NCOR2: variants seen among roughly 807,000 people sequenced by gnomAD.
The protein encoded by NCOR2 is nuclear receptor corepressor 2.
A neutral mutation model predicts 262.9 loss-of-function variants in NCOR2; 81 were observed. The observed-to-expected ratio is 0.31, with a 90% CI of 0.26 to 0.37. NCOR2 has a LOEUF of 0.37. Among genes scored for constraint, NCOR2 ranks in the 10% least tolerant of loss-of-function variants. The pLI is 1.00. For missense variants in NCOR2, 3,385 were observed against 3,621.4 expected, an observed-to-expected ratio of 0.93 and a Z score of 1.68; for synonymous variants, 1,659 against 1,559.3, an observed-to-expected ratio of 1.06 and a Z score of -1.51.
intron 16 of NCOR2, chr12:124,388,882 G>A (rs2041042620): frequency 1.7e-6 from 1 of 572,002 alleles, no homozygotes; most frequent in Non-Finnish European, 2.6e-6. Flanking sequence ...GGGAGGGAGG[G>A]AGGGAGGGAG....
intron 1 of NCOR2, among the ~76,000 whole-genome samples, chr12:124,512,643 G>C (rs984377674): frequency 2.0e-5 from 3 of 152,124 alleles, no homozygotes; most frequent in African/African-American, 7.2e-5. Flanking sequence ...TTTCCTGAAA[G>C]CTCACTCCCT....
rs1437210711 is a variant in NCOR2, at chr12:124,501,082, A to G, written c.-117-5714T>C. ...CGCGCGCACACACACACACACACAC[A>G]CACACACACACACACACACACACAC... On this transcript the variant is annotated intron_variant, in intron 1 of 46. Transcript: ENST00000404621. 6.2e-3 allele frequency among the ~76,000 whole-genome samples: 934 copies of G among 151,134 alleles called. 21 individuals carry two copies. The highest frequency in any genetic ancestry group is 0.042 in the Admixed American group (646 of 15,222).
At chr12:124,499,468 A>G (rs1270591141), upstream of NCOR2, among the ~76,000 whole-genome samples, 1 of 151,496 alleles carries the variant, frequency 6.6e-6, no homozygotes, top group Non-Finnish European at 1.5e-5. Context: ...GAGCCAGGAG[A>G]TACGAGGAAG....
chr12:124,373,708 T>C (rs1400778775), intron 19 of NCOR2, among the ~76,000 whole-genome samples: 6 of 46,572 alleles, frequency 1.3e-4, no homozygotes, highest in Admixed American at 2.7e-4. Context: ...CAGTGGACAA[T>C]CATGAGGCCA....
At chr12:124,366,236 G>A (rs1322694689) in intron 20 of NCOR2, among the ~76,000 whole-genome samples, 3 of 152,088 alleles carry the variant, frequency 2.0e-5, no homozygotes, top group Non-Finnish European at 2.9e-5. Context: ...TGCCCTGTCC[G>A]CACGATGGAA....
intron 10 of NCOR2, among the ~76,000 whole-genome samples, chr12:124,428,902 T>C (rs1400047206): frequency 6.6e-6 from 1 of 152,146 alleles, no homozygotes; most frequent in Non-Finnish European, 1.5e-5. Context: ...CAGGGGGTAG[T>C]CTCATCATGG....
intron 18 of NCOR2, among the ~76,000 whole-genome samples, chr12:124,374,970 T>G (rs1249945210): frequency 6.6e-6 from 1 of 152,228 alleles, no homozygotes; most frequent in Admixed American, 6.5e-5. Context: ...GAGGCCACCC[T>G]TTTTAGAAAC....
At chr12:124,391,875 C>T (rs2041331879) in intron 16 of NCOR2, among the ~76,000 whole-genome samples, 1 of 152,238 alleles carries the variant, frequency 6.6e-6, no homozygotes, top group Admixed American at 6.5e-5. Context: ...CACGTTACAC[C>T]TTTCAATGTC....
At chr12:124,413,610 A>C (rs2042707351) in intron 13 of NCOR2, among the ~76,000 whole-genome samples, 1 of 152,122 alleles carries the variant, frequency 6.6e-6, no homozygotes, top group South Asian at 2.1e-4. Flanking sequence ...GCACCGCGCC[A>C]GGACCACAAG....
chr12:124,502,407 C>T (rs965941778), intron 1 of NCOR2, among the ~76,000 whole-genome samples: 1 of 152,128 alleles, frequency 6.6e-6, no homozygotes, highest in African/African-American at 2.4e-5. Flanking sequence ...GGTGTTAGCA[C>T]GATGGAGAAA....
At chr12:124,363,858 G>T in intron 20 of NCOR2, 59 bp from the exon 23 acceptor site, 1 of 1,293,656 alleles carries the variant, frequency 7.7e-7, no homozygotes. Context: ...CCAGGGTGGG[G>T]GGGCTGCCCG....
intron 23 of NCOR2, among the ~76,000 whole-genome samples, chr12:124,356,251 G>A (rs1400913584): frequency 6.6e-6 from 1 of 152,258 alleles, no homozygotes; most frequent in Non-Finnish European, 1.5e-5. Context: ...GTGAGGCCCA[G>A]CAGGACTGCA....
chr12:124,449,714 T>A, intron 7 of NCOR2, 101 bp downstream of exon 9: 2 of 1,404,438 alleles, frequency 1.4e-6, no homozygotes, highest in South Asian at 1.2e-5. Flanking sequence ...GAGCCCCTGA[T>A]GGGAACAGAG....
intron 20 of NCOR2, among the ~76,000 whole-genome samples, chr12:124,366,696 G>C (rs1881070): frequency 6.6e-6 from 1 of 152,032 alleles, no homozygotes; most frequent in African/African-American, 2.4e-5. Flanking sequence ...TTTCTTTTTT[G>C]TGGTAGAGCC....
chr12:124,326,303 G>T (rs754358941), exon 46 of NCOR2: 8 of 1,560,920 alleles, frequency 5.1e-6, no homozygotes, highest in Non-Finnish European at 6.1e-6. Context: ...CAGATGCCAG[G>T]CCCGGGGCCG....
intron 1 of NCOR2, among the ~76,000 whole-genome samples, chr12:124,520,938 G>A (rs1477115866): frequency 6.6e-6 from 1 of 152,198 alleles, no homozygotes; most frequent in Non-Finnish European, 1.5e-5. Context: ...GGCCAGGACA[G>A]TGGGCCAAAG....
At chr12:124,335,419 G>A in intron 39 of NCOR2, 64 bp downstream of exon 41, 1 of 1,554,328 alleles carries the variant, frequency 6.4e-7, no homozygotes, top group Non-Finnish European at 8.7e-7. Flanking sequence ...CTATCTGCAT[G>A]ATGGGGCCTT....
At chr12:124,350,630 G>A (rs762053857) in exon 28 of NCOR2, 5 of 1,613,950 alleles carry the variant, frequency 3.1e-6, no homozygotes, top group East Asian at 2.2e-5. Flanking sequence ...CGTAGATGAC[G>A]TGGCCCTTGG....
upstream of NCOR2, chr12:124,495,394 C>A (rs1480293033): frequency 4.0e-5 from 57 of 1,427,232 alleles, no homozygotes; most frequent in Non-Finnish European, 4.8e-5. The surrounding 1 kb of genome is among the most constrained non-coding windows in gnomAD (Gnocchi z 4.4). Flanking sequence ...AAAAGAAAAA[C>A]AAGATCAGCC....
Sources: allele counts gnomAD v4.1 joint callset (sites outside exome capture counted in the v4.1 genomes callset), GRCh38; gene constraint gnomAD v4.1.1; non-coding constraint Gnocchi (gnomAD v3.1); transcripts MANE v1.5; gene names NCBI Gene and HGNC (gene_info 2026-07-23, HGNC 2026-07-21).